KCNG1: variants seen among roughly 807,000 people sequenced by gnomAD.
KCNG1 encodes voltage-gated potassium channel regulatory subunit KCNG1.
A neutral mutation model predicts 32.4 loss-of-function variants in KCNG1; 17 were observed. The ratio of observed to expected loss-of-function variants is 0.52; its 90% CI spans 0.36 to 0.79. The LOEUF (loss-of-function observed/expected upper bound fraction) is 0.79, where lower values mean the gene tolerates loss of function less well. Ranked by LOEUF, KCNG1 falls within the 30% of genes least tolerant of loss-of-function variation. The pLI is 0.00. For synonymous variants in KCNG1, 358 were observed against 339.9 expected (o/e 1.05, Z -0.59); for missense variants, 441 against 735.2 (o/e 0.60, Z 4.63).
chr20:51,020,759 A>G (rs1034853703), intron 1 of KCNG1, among the ~76,000 whole-genome samples: 1 of 152,156 alleles, frequency 6.6e-6, no homozygotes, highest in Non-Finnish European at 1.5e-5. Flanking sequence ...CAAGGTACCT[A>G]CTGCGGCTCC....
In KCNG1 at chr20:51,010,020, C is replaced by T; in HGVS notation, c.319G>A (p.Asp107Asn). ...AACTCGTTGCAGGTGACGTCGTAGT[C>T]ATCGCACACGTTGAGGATGTCGTCG... ...NFDDILNVCD[D>N]YDVTCNEFFF... Residue 107 changes from aspartate (D) to asparagine (N), a missense_variant, in exon 2 of 3, where the codon GAC (aspartate) becomes AAC (asparagine). This residue lies in a region of KCNG1 where 70 missense variants were observed against 158.4 expected (regional missense o/e 0.44). Transcript: ENST00000371571. The T allele has an allele frequency of 6.2e-7, 1 of 1,614,130 alleles. No individual in the cohort carries two copies. The highest frequency in any genetic ancestry group is 8.5e-7 in the Non-Finnish European group (1 of 1,179,998).
intron 2 of KCNG1, chr20:51,007,042 C>T (rs1987855542): frequency 6.6e-6 from 1 of 152,286 alleles, no homozygotes. Flanking sequence ...CACTACCCTT[C>T]ATGCTTATTG....
chr20:51,021,657 T>TG (rs1988489401), intron 1 of KCNG1, among the ~76,000 whole-genome samples: 1 of 151,954 alleles, frequency 6.6e-6, no homozygotes, highest in South Asian at 2.1e-4. Context: ...GCAAAGGGGG[T>TG]GGGGGCGTCT....
At position 51,009,746 on chromosome 20, in the gene KCNG1, C is replaced by A. The variant is rs758535441; in HGVS notation, c.593G>T (p.Gly198Val). The A allele has an allele frequency of 1.2e-6, 2 of 1,608,438 alleles. No individual in the cohort carries two copies. Among genetic ancestry groups the A allele is most frequent in the Non-Finnish European group, 1.7e-6 (2 of 1,179,410 alleles). The change falls in exon 2 of 3, where the codon GGC (glycine) becomes GTC (valine). Residue 198 changes from glycine (G) to valine (V), a missense_variant. By Grantham distance (109) the Gly-to-Val change is moderately radical. Around this residue, in one of 6 missense-constraint regions of KCNG1, gnomAD observed 52 missense variants for 50.3 expected, o/e 1.03. Transcript: ENST00000371571. Reference sequence around the variant, plus strand: ...CAGGCGGCCCTCGCCCTCGGCCGGGCCCTCGCTGTCGCGGCCCTCGCTGTC... The same window carrying A: ...CAGGCGGCCCTCGCCCTCGGCCGGGACCTCGCTGTCGCGGCCCTCGCTGTC... ...ALDSEGRDSE[G>V]PAEGEGRLGR...
In KCNG1 at chr20:51,009,795, G is replaced by C; in HGVS notation, c.544C>G (p.Arg182Gly). 1 of 1,612,208 alleles carries C rather than the reference G, an allele frequency of 6.2e-7. No individual in the cohort carries two copies. The highest frequency in any genetic ancestry group is 8.5e-7 in the Non-Finnish European group (1 of 1,179,876). Residue 182 changes from arginine (R) to glycine (G), a missense_variant, in exon 2 of 3, where the codon CGG (arginine) becomes GGG (glycine). Physicochemically the swap from Arg to Gly is moderately radical, Grantham distance 125 (BLOSUM62 -2). This residue lies in a region of KCNG1 where 52 missense variants were observed against 50.3 expected (regional missense o/e 1.03). Coordinates refer to ENST00000371571, the MANE Select transcript of KCNG1 (RefSeq NM_002237.4). ...TCCAGCGCGTCGTCCTCTTCCTCCC[G>C]CTCCACCATCTCCGCGAACTCCTCA... ...KIEEFAEMVE[R>G]EEEDDALDSE...
At chr20:51,013,783 T>C (rs78006980) in intron 1 of KCNG1, 4 of 152,376 alleles carry the variant, frequency 2.6e-5, no homozygotes, top group African/African-American at 9.6e-5. Flanking sequence ...TTTGGAGGCG[T>C]GGGAATAATC....
chr20:51,018,203 G>A (rs373168957), intron 1 of KCNG1, among the ~76,000 whole-genome samples: 16 of 152,280 alleles, frequency 1.1e-4, no homozygotes, highest in East Asian at 5.8e-4. Context: ...ATGGCTAGTC[G>A]TCCCTGCTGC....
In KCNG1 at chr20:51,008,489, C is replaced by T. The variant is rs1987925063; in HGVS notation, c.774+1076G>A. ...GGACTACAGGTGCAAGCCACCACAC[C>T]TGGCTAATTAAATTTTTTTTTTCCG... On this transcript the variant is annotated intron_variant, in intron 2 of 2. Coordinates refer to ENST00000371571, the MANE Select transcript of KCNG1 (RefSeq NM_002237.4). Among the ~76,000 whole-genome samples the T allele has an allele frequency of 4.1e-5, 5 of 122,420 alleles. No individual in the cohort carries two copies. The Admixed American group carries it at 4.6e-4, about 11-fold the overall frequency. The allele number at this position is 122,420 out of a possible 152,430, so 80.3% of individuals were successfully genotyped here. A position where few individuals can be genotyped will look rare whatever the true frequency, so the allele number is the denominator to read the frequency against.
chr20:51,015,374 G>A lies in KCNG1; in HGVS notation c.-26-5010C>T, dbSNP rs904382602. 4.6e-5 allele frequency among the ~76,000 whole-genome samples: 7 copies of A among 152,196 alleles called. No individual in the cohort carries two copies. Among genetic ancestry groups the A allele is most frequent in the African/African-American group, 1.7e-4 (7 of 41,440 alleles). On this transcript the variant is annotated intron_variant, in intron 1 of 2. Coordinates refer to ENST00000371571, the MANE Select transcript of KCNG1 (RefSeq NM_002237.4). The surrounding 1 kb of genome is among the most constrained non-coding windows in gnomAD (Gnocchi z 4.4). ...GGCTGTGGGATTATGGACAGAAGAA[G>A]CAGCTGGCAAAATCCAGGAGAGAGG...
chr20:51,020,210 T>C (rs551841973), intron 1 of KCNG1, among the ~76,000 whole-genome samples: 1 of 152,326 alleles, frequency 6.6e-6, no homozygotes, highest in Non-Finnish European at 1.5e-5. Flanking sequence ...TGCGTTTGCC[T>C]TCTTCTACGG....
intron 2 of KCNG1, among the ~76,000 whole-genome samples, chr20:51,009,032 C>G (rs977595002): frequency 6.6e-6 from 1 of 152,188 alleles, no homozygotes; most frequent in Non-Finnish European, 1.5e-5. Context: ...AATAAACTTT[C>G]CATTCATTCT....
intron 1 of KCNG1, among the ~76,000 whole-genome samples, chr20:51,010,839 G>C (rs1988059115): frequency 1.3e-5 from 2 of 151,800 alleles, no homozygotes; most frequent in Non-Finnish European, 2.9e-5. Flanking sequence ...AGGTTGCAGT[G>C]AGCCGAGATC....
intron 1 of KCNG1, chr20:51,022,535 CG>C (rs1266628041): frequency 6.6e-6 from 1 of 152,238 alleles, no homozygotes; most frequent in East Asian, 1.9e-4. Flanking sequence ...CTCCCAGGAT[CG>C]GGGGAGAAAC....
In KCNG1 at chr20:51,004,923, G is replaced by T; in HGVS notation, c.775-117C>A. 9.2e-7 allele frequency: 1 copy of T among 1,088,798 alleles called. No homozygotes were observed. The highest frequency in any genetic ancestry group is 1.3e-6 in the Non-Finnish European group (1 of 784,018). The allele number at this position is 1,088,798 out of a possible 1,614,324, so 67.4% of individuals were successfully genotyped here. On this transcript the variant is annotated intron_variant, in intron 2 of 2. Transcript: ENST00000371571. This position sits in a 1 kb window ranked among gnomAD's most constrained non-coding sequence, Gnocchi z 4.3. Reference sequence around the variant, plus strand: ...AGGCGGAAGGTGACCTCTCCAGGTTGAGTGGCCCCGGGTCCTCTCCCTAGT... The same window carrying T: ...AGGCGGAAGGTGACCTCTCCAGGTTTAGTGGCCCCGGGTCCTCTCCCTAGT...
chr20:51,013,314 C>G, intron 1 of KCNG1, among the ~76,000 whole-genome samples: 1 of 150,320 alleles, frequency 6.7e-6, no homozygotes, highest in South Asian at 2.1e-4. Context: ...CAAAACAAAA[C>G]AAAACAAAAA....
At chr20:51,013,121 A>C (rs894986101) in intron 1 of KCNG1, among the ~76,000 whole-genome samples, 2 of 151,946 alleles carry the variant, frequency 1.3e-5, no homozygotes, top group Non-Finnish European at 2.9e-5. Flanking sequence ...GGCCAACAAG[A>C]TGAAACCCCA....
chr20:51,016,136 A>G lies in KCNG1; in HGVS notation c.-26-5772T>C, dbSNP rs940714219. ...TTTGTGGTAATTTGTGACAGTTGCA[A>G]TAGGAAATGGGATGCTGAGGCCAGG... On this transcript the variant is annotated intron_variant, in intron 1 of 2. Coordinates refer to ENST00000371571, the MANE Select transcript of KCNG1 (RefSeq NM_002237.4). Among the ~76,000 whole-genome samples, 3 of 152,148 alleles carry G rather than the reference A, an allele frequency of 2.0e-5. No individual in the cohort carries two copies. In the South Asian group the frequency reaches 6.2e-4, roughly 32 times the overall value.
chr20:51,005,068 C>T lies in KCNG1; in HGVS notation c.775-262G>A, dbSNP rs148113615. On this transcript the variant is annotated intron_variant, in intron 2 of 2. Coordinates refer to ENST00000371571, the MANE Select transcript of KCNG1 (RefSeq NM_002237.4). The surrounding 1 kb of genome is among the most constrained non-coding windows in gnomAD (Gnocchi z 4.0). ...GACCCCCAACAGGCTGCCTCCCTGA[C>T]GCTCCCACCTGGGTGTCTGAGGGGC... 5.5e-4 allele frequency: 210 copies of T among 378,436 alleles called. 2 individuals carry two copies. Among genetic ancestry groups the T allele is most frequent in the Admixed American group, 4.5e-5 (1 of 22,202 alleles). The allele number at this position is 378,436 out of a possible 1,614,324, so 23.4% of individuals were successfully genotyped here.
At chr20:51,008,651 T>TTA (rs397755869) in intron 2 of KCNG1, among the ~76,000 whole-genome samples, 6 of 151,824 alleles carry the variant, frequency 4.0e-5, no homozygotes, top group South Asian at 2.1e-4. Context: ...TGATTTTTTT[T>TTA]AAAAGAAGCT....
Sources: allele counts gnomAD v4.1 joint callset (sites outside exome capture counted in the v4.1 genomes callset), GRCh38; gene constraint gnomAD v4.1.1; regional missense constraint gnomAD v4.1.1; non-coding constraint Gnocchi (gnomAD v3.1); transcripts MANE v1.5; gene names NCBI Gene and HGNC (gene_info 2026-07-23, HGNC 2026-07-21).